Variants in GRIA1 observed in about 807,000 individuals in gnomAD.
GRIA1 encodes glutamate ionotropic receptor AMPA type subunit 1.
Under a neutral mutation model 99.2 loss-of-function variants are expected in GRIA1, and 31 were observed. The ratio of observed to expected loss-of-function variants is 0.31; its 90% confidence interval spans 0.23 to 0.42. GRIA1 has a LOEUF of 0.42. Ranked by LOEUF, GRIA1 falls within the 10% of genes least tolerant of loss-of-function variation. GRIA1 has a pLI of 1.00. For missense variants in GRIA1, 782 were observed against 1,157.5 expected (o/e 0.68, Z 4.71); for synonymous variants, 438 against 432.4 (o/e 1.01, Z -0.16).
intron 5 of GRIA1, among the ~76,000 whole-genome samples, chr5:153,664,127 C>T (rs576603927): frequency 6.6e-6 from 1 of 152,288 alleles, no homozygotes; most frequent in East Asian, 1.9e-4. Context: ...TTACCTATCC[C>T]TCTTTTTAAG....
chr5:153,510,775 A>T (rs561803213), intron 2 of GRIA1, among the ~76,000 whole-genome samples: 6 of 152,356 alleles, frequency 3.9e-5, no homozygotes, highest in African/African-American at 9.6e-5. Context: ...CTCAGCAAAC[A>T]TAAAGTTACC....
intron 2 of GRIA1, among the ~76,000 whole-genome samples, chr5:153,606,042 C>A (rs765734623): frequency 6.6e-6 from 1 of 151,922 alleles, no homozygotes; most frequent in African/African-American, 2.4e-5. Context: ...GGAATATATT[C>A]TTCTATATTA....
chr5:153,554,375 GAC>G (rs1295498147), intron 2 of GRIA1, among the ~76,000 whole-genome samples: 2 of 152,148 alleles, frequency 1.3e-5, no homozygotes, highest in African/African-American at 4.8e-5. Flanking sequence ...ATTATCAAAG[GAC>G]TATGTGTATC....
rs533572729 is a variant in GRIA1, at chr5:153,547,732, T to A, written c.220+53667T>A. Among the ~76,000 whole-genome samples, 260 of 152,308 alleles carry A rather than the reference T, an allele frequency of 1.7e-3. 2 individuals are homozygous for A. Among genetic ancestry groups the A allele is most frequent in the African/African-American group, 5.7e-3 (238 of 41,582 alleles). On this transcript the variant is annotated intron_variant, in intron 2 of 15. Coordinates refer to ENST00000285900, the MANE Select transcript of GRIA1 (RefSeq NM_000827.4). ...AATAAAATACCTCGTGGAACTTTTATGTGGCTCCATGTAGCAGAGCTCAGA... is the reference window on the plus strand; with the variant it reads ...AATAAAATACCTCGTGGAACTTTTAAGTGGCTCCATGTAGCAGAGCTCAGA...
chr5:153,780,665 A>G (rs72804619), intron 13 of GRIA1, among the ~76,000 whole-genome samples: 10,240 of 152,274 alleles, frequency 0.067, 403 homozygotes, highest in Non-Finnish European at 0.076. Flanking sequence ...AGATCTTCCT[A>G]TGAGATTCAT....
chr5:153,810,684 A>G (rs1373810633), intron 15 of GRIA1, among the ~76,000 whole-genome samples: 3 of 152,222 alleles, frequency 2.0e-5, no homozygotes, highest in Non-Finnish European at 4.4e-5. Flanking sequence ...AAGGTTTTCC[A>G]CTTAGTTGTG....
chr5:153,621,419 C>T (rs771481997), intron 2 of GRIA1, among the ~76,000 whole-genome samples: 33 of 151,496 alleles, frequency 2.2e-4, no homozygotes, highest in Admixed American at 1.1e-3. Flanking sequence ...CTGAGCAACA[C>T]AGTGAGACCC....
At chr5:153,492,243 C>T (rs768805842) in intron 1 of GRIA1, 25 of 1,535,302 alleles carry the variant, frequency 1.6e-5, no homozygotes, top group South Asian at 1.1e-4. Context: ...AGCTAGCTGG[C>T]GGCTTGGAGT....
At chr5:153,708,341 T>C (rs1759065615) in intron 11 of GRIA1, among the ~76,000 whole-genome samples, 1 of 152,078 alleles carries the variant, frequency 6.6e-6, no homozygotes, top group Non-Finnish European at 1.5e-5. Context: ...GGTGTTTGAG[T>C]TTGTGACCTC....
chr5:153,671,632 A>G (rs532678337), intron 5 of GRIA1, among the ~76,000 whole-genome samples: 135 of 152,284 alleles, frequency 8.9e-4, no homozygotes, highest in Middle Eastern at 3.4e-3. Context: ...TTTTCAACCA[A>G]TTACAATCAC....
intron 11 of GRIA1, among the ~76,000 whole-genome samples, chr5:153,712,658 C>T (rs910136279): frequency 6.9e-6 from 1 of 144,208 alleles, no homozygotes; most frequent in Non-Finnish European, 1.5e-5. Context: ...ATGAAGGCAG[C>T]CTGAAATTGT....
chr5:153,531,931 T>C (rs1174748657), intron 2 of GRIA1, among the ~76,000 whole-genome samples: 1 of 152,154 alleles, frequency 6.6e-6, no homozygotes, highest in East Asian at 1.9e-4. Flanking sequence ...AGGTAGTGAG[T>C]AAGTGGTAGG....
chr5:153,575,274 ATGAAAGCCTCATAATG>A (rs1762436239), intron 2 of GRIA1, among the ~76,000 whole-genome samples: 1 of 152,124 alleles, frequency 6.6e-6, no homozygotes, highest in Admixed American at 6.5e-5. Flanking sequence ...AGTGGTCCTC[ATGAAAGCCTCATAATG>A]TCCATTGCCT....
chr5:153,648,964 A>G (rs1015977716), intron 3 of GRIA1, among the ~76,000 whole-genome samples: 6 of 152,186 alleles, frequency 3.9e-5, no homozygotes, highest in Non-Finnish European at 8.8e-5. Flanking sequence ...TAATAGGGTA[A>G]TTATCCTGGA....
intron 2 of GRIA1, among the ~76,000 whole-genome samples, chr5:153,644,044 C>T (rs933341190): frequency 2.6e-5 from 4 of 152,122 alleles, no homozygotes; most frequent in Admixed American, 2.0e-4. Flanking sequence ...TATTTTATTG[C>T]AGCAAGGGGA....
chr5:153,667,102 G>A (rs188988937), intron 5 of GRIA1, among the ~76,000 whole-genome samples: 1 of 152,286 alleles, frequency 6.6e-6, no homozygotes, highest in South Asian at 2.1e-4. Context: ...GGGAAACTTG[G>A]CATGTTCAAC....
At chr5:153,605,646 G>A (rs1010454929) in intron 2 of GRIA1, among the ~76,000 whole-genome samples, 4 of 152,142 alleles carry the variant, frequency 2.6e-5, no homozygotes, top group African/African-American at 9.7e-5. Flanking sequence ...TCAAACACTT[G>A]GGATTGTAAG....
At chr5:153,742,189 G>C (rs2149576201) in intron 11 of GRIA1, among the ~76,000 whole-genome samples, 1 of 152,306 alleles carries the variant, frequency 6.6e-6, no homozygotes, top group African/African-American at 2.4e-5. Flanking sequence ...TGTCATTGGA[G>C]ATGGATTTTG....
At chr5:153,753,594 G>C (rs1762630298) in intron 11 of GRIA1, among the ~76,000 whole-genome samples, 1 of 151,538 alleles carries the variant, frequency 6.6e-6, no homozygotes, top group Non-Finnish European at 1.5e-5. Flanking sequence ...TTATCTCCAA[G>C]ATCAGAATAT....
Sources: gnomAD v4.1 joint callset for allele counts (sites outside exome capture counted in the v4.1 genomes callset) on GRCh38, gnomAD v4.1.1 for gene constraint, MANE v1.5 for transcripts, NCBI Gene and HGNC (gene_info 2026-07-23, HGNC 2026-07-21) for gene names.